Variants in SPATA6 observed in about 807,000 individuals in gnomAD.
SPATA6 encodes spermatogenesis associated 6.
A neutral mutation model predicts 65.3 loss-of-function variants in SPATA6; 56 were observed. That is an observed-to-expected ratio of 0.86 (90% CI 0.69 to 1.07). SPATA6 has a LOEUF of 1.07. Among genes scored for constraint, SPATA6 ranks in the 50% least tolerant of loss-of-function variants. SPATA6 has a pLI of 0.00. For missense variants in SPATA6, 590 were observed against 594.8 expected, an observed-to-expected ratio of 0.99 and a Z score of 0.08; for synonymous variants, 199 against 213.2, an observed-to-expected ratio of 0.93 and a Z score of 0.58.
chr1:48,328,492 T>C (rs543999173), intron 11 of SPATA6, among the ~76,000 whole-genome samples: 3 of 152,280 alleles, frequency 2.0e-5, no homozygotes, highest in African/African-American at 4.8e-5. Context: ...ATATTAAGTA[T>C]AAGAGGCCAG....
chr1:48,265,279 T>C, the SPATA6 span, among the ~76,000 whole-genome samples: 1 of 151,576 alleles, frequency 6.6e-6, no homozygotes, highest in East Asian at 1.9e-4. Flanking sequence ...ATTTATTTTA[T>C]ATTTTCCTAG....
At chr1:48,307,258 TA>T (rs1179713114) in intron 11 of SPATA6, among the ~76,000 whole-genome samples, 1 of 151,208 alleles carries the variant, frequency 6.6e-6, no homozygotes, top group African/African-American at 2.4e-5. Flanking sequence ...GGATATCATA[TA>T]GGGGTATTCA....
intron 3 of SPATA6, among the ~76,000 whole-genome samples, chr1:48,424,228 C>T (rs1179210257): frequency 6.6e-6 from 1 of 152,162 alleles, no homozygotes; most frequent in Non-Finnish European, 1.5e-5. Flanking sequence ...TTAGATCCTA[C>T]AAATAAGTGA....
chr1:48,363,263 G>A (rs1646874649), intron 9 of SPATA6, among the ~76,000 whole-genome samples: 1 of 152,094 alleles, frequency 6.6e-6, no homozygotes, highest in Non-Finnish European at 1.5e-5. Flanking sequence ...TGTTTCCATA[G>A]CTCTTGTGAG....
In SPATA6 at chr1:48,363,133, A is replaced by G. The variant is rs116034061; in HGVS notation, c.910-3363T>C. ...TTGAATGTATTCCTTCCATGGAATT[A>G]GAGTATATGTTTTGTAAAGTCTTTT... On this transcript the variant is annotated intron_variant, in intron 9 of 12. Coordinates refer to ENST00000371847, the MANE Select transcript of SPATA6 (RefSeq NM_019073.4). 4.6e-3 allele frequency among the ~76,000 whole-genome samples: 694 copies of G among 152,278 alleles called. 4 individuals carry two copies. Among genetic ancestry groups the G allele is most frequent in the African/African-American group, 0.015 (620 of 41,578 alleles).
At chr1:48,320,182 G>C (rs1047278636) in intron 11 of SPATA6, among the ~76,000 whole-genome samples, 2 of 151,888 alleles carry the variant, frequency 1.3e-5, no homozygotes, top group Admixed American at 1.3e-4. Context: ...AAAGAGATAG[G>C]GTAGAAAGTT....
downstream of SPATA6, among the ~76,000 whole-genome samples, chr1:48,293,194 G>A (rs1644779747): frequency 6.6e-6 from 1 of 152,198 alleles, no homozygotes; most frequent in South Asian, 2.1e-4. Context: ...TAAAACCAAT[G>A]TGGATCTTTT....
At position 48,400,904 on chromosome 1, in the gene SPATA6, G is replaced by GT. The variant is rs373526212; in HGVS notation, c.487-1261dup. 60 of 1,046,972 alleles carry GT rather than the reference G, an allele frequency of 5.7e-5. No homozygotes were observed. In the African/African-American group the frequency reaches 6.6e-4, roughly 12 times the overall value. The allele number at this position is 1,046,972 out of a possible 1,614,324, so 64.9% of individuals were successfully genotyped here. On this transcript the variant is annotated intron_variant, in intron 6 of 12. Transcript: ENST00000371847. ...TACCATATCCATTTCACCCATCTCTGTGACATCACAGACTTACAGAAGCAA... is the reference window on the plus strand; with the variant it reads ...TACCATATCCATTTCACCCATCTCTGTTGACATCACAGACTTACAGAAGCAA...
chr1:48,358,162 G>A (rs1273784642), intron 10 of SPATA6, among the ~76,000 whole-genome samples: 1 of 151,974 alleles, frequency 6.6e-6, no homozygotes, highest in Non-Finnish European at 1.5e-5. Flanking sequence ...AAGAATTTTT[G>A]AATATAGCCT....
chr1:48,357,066 TATTAG>T (rs1646682254), intron 10 of SPATA6, among the ~76,000 whole-genome samples: 1 of 152,138 alleles, frequency 6.6e-6, no homozygotes, highest in Non-Finnish European at 1.5e-5. Context: ...TCAATGATAC[TATTAG>T]AGGATCCACT....
At chr1:48,385,251 A>G (rs1649337649) in intron 9 of SPATA6, 58 bp downstream of exon 9, 2 of 1,436,996 alleles carry the variant, frequency 1.4e-6, no homozygotes, top group Non-Finnish European at 1.9e-6. Context: ...TATGAAATAG[A>G]CTCATGTTGT....
chr1:48,289,305 A>T, the SPATA6 span, among the ~76,000 whole-genome samples: 3 of 152,162 alleles, frequency 2.0e-5, no homozygotes, highest in South Asian at 2.1e-4. Context: ...AAGGAAAACT[A>T]AAAAACAGAA....
At chr1:48,282,732 G>T in the SPATA6 span, among the ~76,000 whole-genome samples, 1 of 152,174 alleles carries the variant, frequency 6.6e-6, no homozygotes, top group African/African-American at 2.4e-5. Context: ...TACACTGTTG[G>T]TGGGACTGCA....
chr1:48,384,424 G>T (rs1240055140), intron 9 of SPATA6, among the ~76,000 whole-genome samples: 2 of 103,602 alleles, frequency 1.9e-5, no homozygotes, highest in Admixed American at 1.1e-4. Flanking sequence ...GAGAGGGAGA[G>T]GGGTTTTTCT....
At chr1:48,262,628 A>C in the SPATA6 span, 1 of 152,160 alleles carries the variant, frequency 6.6e-6, no homozygotes. Context: ...ATTTTAGAAA[A>C]ATGAAGAAAT....
chr1:48,329,285 C>T (rs905878170), intron 11 of SPATA6, among the ~76,000 whole-genome samples: 3 of 151,900 alleles, frequency 2.0e-5, no homozygotes, highest in South Asian at 2.1e-4. Context: ...AAAGCAGTGG[C>T]GTAGAGGGAA....
chr1:48,261,545 C>T, the SPATA6 span, among the ~76,000 whole-genome samples: 5 of 152,020 alleles, frequency 3.3e-5, no homozygotes, highest in South Asian at 6.2e-4. Flanking sequence ...AACATCACTA[C>T]TTTTTAAGTT....
chr1:48,407,632 C>CA (rs1456860578), intron 5 of SPATA6, among the ~76,000 whole-genome samples: 5 of 152,184 alleles, frequency 3.3e-5, no homozygotes, highest in Non-Finnish European at 5.9e-5. Flanking sequence ...ATAGTCTCGC[C>CA]AGTTTTTCCC....
intron 11 of SPATA6, among the ~76,000 whole-genome samples, chr1:48,328,975 A>G (rs1645841618): frequency 6.6e-6 from 1 of 152,186 alleles, no homozygotes; most frequent in Admixed American, 6.5e-5. Context: ...GCTTCCCTCT[A>G]TATTGTACAC....
Sources: gnomAD v4.1 joint callset for allele counts (sites outside exome capture counted in the v4.1 genomes callset) on GRCh38, gnomAD v4.1.1 for gene constraint, MANE v1.5 for transcripts, NCBI Gene and HGNC (gene_info 2026-07-23, HGNC 2026-07-21) for gene names.